Variants in NRG3 observed in about 807,000 individuals in gnomAD.
The protein encoded by NRG3 is pro-neuregulin-3, membrane-bound isoform.
A neutral mutation model predicts 66.9 loss-of-function variants in NRG3; 31 were observed. The ratio of observed to expected loss-of-function variants is 0.46; its 90% CI spans 0.35 to 0.63. The LOEUF (loss-of-function observed/expected upper bound fraction) is 0.63. Ranked by LOEUF, NRG3 falls within the 20% of genes least tolerant of loss-of-function variation. The probability of loss-of-function intolerance (pLI) is 0.00; values close to 1 mark genes in which losing one functional copy is unlikely to be tolerated. For synonymous variants in NRG3, 393 were observed against 359.4 expected, an observed-to-expected ratio of 1.09 and a Z score of -1.06; for missense variants, 910 against 878.9, an observed-to-expected ratio of 1.04 and a Z score of -0.45.
At chr10:82,069,302 C>G (rs1215429831) in intron 1 of NRG3, among the ~76,000 whole-genome samples, 1 of 152,102 alleles carries the variant, frequency 6.6e-6, no homozygotes, top group African/African-American at 2.4e-5. Flanking sequence ...ACCAGATACA[C>G]GAAAAGAGGC....
chr10:82,912,043 T>G (rs983224105), intron 4 of NRG3, among the ~76,000 whole-genome samples: 10 of 152,182 alleles, frequency 6.6e-5, no homozygotes, highest in Middle Eastern at 3.2e-3. Context: ...GAGAGAATAC[T>G]TTGTATGATT....
intron 2 of NRG3, among the ~76,000 whole-genome samples, chr10:82,521,174 C>T (rs1418907512): frequency 6.6e-6 from 1 of 151,742 alleles, no homozygotes; most frequent in South Asian, 2.1e-4. Flanking sequence ...TGTGCAATAA[C>T]GTTATGTGTA....
chr10:82,207,780 T>TA (rs1310656985), intron 1 of NRG3, among the ~76,000 whole-genome samples: 2 of 152,054 alleles, frequency 1.3e-5, no homozygotes, highest in African/African-American at 4.8e-5. Context: ...GAGCCCCTTA[T>TA]AAAACCATTG....
intron 1 of NRG3, among the ~76,000 whole-genome samples, chr10:82,046,605 G>T (rs1348622456): frequency 2.4e-4 from 8 of 33,428 alleles, no homozygotes; most frequent in Admixed American, 5.0e-4. Flanking sequence ...CCAACACTAT[G>T]TTGAATAGGA....
rs189538733 is a variant in NRG3, at chr10:82,844,892, C to T, written c.1028-20519C>T. 5.6e-3 allele frequency among the ~76,000 whole-genome samples: 855 copies of T among 152,246 alleles called. 1 individual carries two copies. Among genetic ancestry groups the T allele is most frequent in the Non-Finnish European group, 0.01 (688 of 68,022 alleles). Reference sequence around the variant, plus strand: ...TTCACAGGCCAGGAGTGGTTGCTCACGCCTGTAATCCCAACACTTTGGGAG... The same window carrying T: ...TTCACAGGCCAGGAGTGGTTGCTCATGCCTGTAATCCCAACACTTTGGGAG... On this transcript the variant is annotated intron_variant, in intron 3 of 8. Transcript: ENST00000372141.
At chr10:82,609,389 G>A (rs1289078418) in intron 2 of NRG3, among the ~76,000 whole-genome samples, 1 of 152,098 alleles carries the variant, frequency 6.6e-6, no homozygotes, top group African/African-American at 2.4e-5. Flanking sequence ...AACTCTTCTA[G>A]GCAAGTTCAA....
intron 2 of NRG3, among the ~76,000 whole-genome samples, chr10:82,503,318 C>T (rs1844373692): frequency 6.6e-6 from 1 of 152,146 alleles, no homozygotes; most frequent in Non-Finnish European, 1.5e-5. Context: ...CCCACATGGA[C>T]TGAATCATTA....
At chr10:81,979,849 A>G (rs2060269640) in intron 1 of NRG3, among the ~76,000 whole-genome samples, 1 of 152,350 alleles carries the variant, frequency 6.6e-6, no homozygotes, top group South Asian at 2.1e-4. Flanking sequence ...AGTTTAACCC[A>G]GGTTATAGTC....
At chr10:82,692,869 A>G (rs1358061053) in intron 2 of NRG3, among the ~76,000 whole-genome samples, 2 of 151,976 alleles carry the variant, frequency 1.3e-5, no homozygotes, top group Non-Finnish European at 2.9e-5. Flanking sequence ...GGAAAAATAT[A>G]TGGTAATTTT....
At chr10:82,314,567 G>T (rs554062103) in intron 1 of NRG3, among the ~76,000 whole-genome samples, 259 of 152,240 alleles carry the variant, frequency 1.7e-3, no homozygotes, top group African/African-American at 5.9e-3. Context: ...CCAGCACTTT[G>T]GGAGGCCGAG....
Position 81,991,648 on chromosome 10 carries a change from T to A in NRG3, c.823+115485T>A, listed in dbSNP as rs535078621. 3.1e-4 allele frequency among the ~76,000 whole-genome samples: 47 copies of A among 152,238 alleles called. 1 individual carries two copies. The highest frequency in any genetic ancestry group is 1.1e-3 in the African/African-American group (46 of 41,550). On this transcript the variant is annotated intron_variant, in intron 1 of 8. Transcript: ENST00000372141. ...CTATTTACCAGTTCTGTGATGAGAT[T>A]TTTTTTAAAAATCCACACAAAAACA...
chr10:82,739,099 T>A (rs2058295254), intron 3 of NRG3, among the ~76,000 whole-genome samples: 2 of 152,218 alleles, frequency 1.3e-5, no homozygotes, highest in Non-Finnish European at 1.5e-5. Flanking sequence ...TACGAAATCA[T>A]GTAAGAAGTT....
chr10:81,881,131 A>G (rs1842141172), intron 1 of NRG3, among the ~76,000 whole-genome samples: 1 of 150,876 alleles, frequency 6.6e-6, no homozygotes, highest in Non-Finnish European at 1.5e-5. Context: ...AGTATTTTAT[A>G]GTTGAATCAT....
At chr10:82,836,612 T>C (rs1007089668) in intron 3 of NRG3, among the ~76,000 whole-genome samples, 14 of 152,186 alleles carry the variant, frequency 9.2e-5, no homozygotes, top group Admixed American at 9.2e-4. Flanking sequence ...TGACATTTTA[T>C]TAGGTATTGT....
chr10:82,435,294 C>T (rs1368133309), intron 2 of NRG3, among the ~76,000 whole-genome samples: 4 of 151,990 alleles, frequency 2.6e-5, no homozygotes, highest in African/African-American at 9.7e-5. Context: ...GGTGGTATCC[C>T]CTTTATCATT....
At chr10:82,114,425 A>T (rs1037583185) in intron 1 of NRG3, among the ~76,000 whole-genome samples, 1 of 152,280 alleles carries the variant, frequency 6.6e-6, no homozygotes, top group Middle Eastern at 3.4e-3. Flanking sequence ...TAAAAAATTC[A>T]AATTATTTTC....
At chr10:82,802,114 G>C (rs2061066556) in intron 3 of NRG3, among the ~76,000 whole-genome samples, 1 of 152,214 alleles carries the variant, frequency 6.6e-6, no homozygotes, top group Non-Finnish European at 1.5e-5. Flanking sequence ...GAGGTGCGTA[G>C]TATGAGTTTT....
chr10:82,905,068 C>T (rs1298915493), intron 4 of NRG3, among the ~76,000 whole-genome samples: 1 of 152,090 alleles, frequency 6.6e-6, no homozygotes, highest in African/African-American at 2.4e-5. Context: ...CATACTTTGG[C>T]TTGAATTCAT....
chr10:82,513,844 G>T (rs1048687616), intron 2 of NRG3, among the ~76,000 whole-genome samples: 10 of 152,272 alleles, frequency 6.6e-5, no homozygotes, highest in Middle Eastern at 3.4e-3. Flanking sequence ...GCCAGCATCT[G>T]TGGTTTCTTG....
Sources: gnomAD v4.1 joint callset for allele counts (sites outside exome capture counted in the v4.1 genomes callset) on GRCh38, gnomAD v4.1.1 for gene constraint, MANE v1.5 for transcripts, NCBI Gene and HGNC (gene_info 2026-07-23, HGNC 2026-07-21) for gene names.